Variants in TENM2 observed in about 807,000 individuals in gnomAD.
TENM2 encodes the protein teneurin transmembrane protein 2.
In TENM2, 52 loss-of-function variants were observed where a neutral mutation model predicts 245.2. That is an observed-to-expected ratio of 0.21 (90% CI 0.17 to 0.27). The LOEUF (loss-of-function observed/expected upper bound fraction) is 0.27, where lower values mean the gene tolerates loss of function less well. TENM2 is among the 10% of genes least tolerant of loss of function. The probability of loss-of-function intolerance (pLI) is 1.00; values close to 1 mark genes in which losing one functional copy is unlikely to be tolerated. For missense variants in TENM2, 3,046 were observed against 3,666.8 expected (o/e 0.83, Z 4.37); for synonymous variants, 1,363 against 1,438.9 (o/e 0.95, Z 1.19).
At chr5:167,113,136 C>T in the TENM2 span, among the ~76,000 whole-genome samples, 16 of 152,080 alleles carry the variant, frequency 1.1e-4, no homozygotes, top group African/African-American at 2.7e-4. Flanking sequence ...GGTCACTGCC[C>T]GGGAGTTGTT....
At chr5:167,408,112 T>A (rs1009565615) in intron 2 of TENM2, among the ~76,000 whole-genome samples, 2 of 152,098 alleles carry the variant, frequency 1.3e-5, no homozygotes, top group African/African-American at 2.4e-5. Context: ...TTTGAATATA[T>A]CAAATCTAGC....
At chr5:167,399,150 G>A (rs1267777332) in intron 2 of TENM2, among the ~76,000 whole-genome samples, 1 of 152,086 alleles carries the variant, frequency 6.6e-6, no homozygotes, top group Admixed American at 6.6e-5. Flanking sequence ...AATTCTAGAA[G>A]GTGATTTCAT....
intron 4 of TENM2, among the ~76,000 whole-genome samples, chr5:167,956,282 G>C (rs1004713451): frequency 6.6e-6 from 1 of 152,092 alleles, no homozygotes; most frequent in African/African-American, 2.4e-5. Context: ...TCTGTTATTG[G>C]TGTATAAAAA....
chr5:166,994,107 G>A, the TENM2 span, among the ~76,000 whole-genome samples: 2 of 152,076 alleles, frequency 1.3e-5, no homozygotes, highest in Non-Finnish European at 2.9e-5. Flanking sequence ...ATTCAGCCAG[G>A]TTACCTCTGC....
intron 9 of TENM2, among the ~76,000 whole-genome samples, chr5:168,105,736 A>G (rs995852593): frequency 6.6e-6 from 1 of 151,966 alleles, no homozygotes; most frequent in Non-Finnish European, 1.5e-5. Context: ...AATTTGTAAC[A>G]TTTTCCATCA....
chr5:166,979,276 A>G, the TENM2 span, among the ~76,000 whole-genome samples: 1 of 151,264 alleles, frequency 6.6e-6, no homozygotes, highest in African/African-American at 2.4e-5. Context: ...CAGCAGGCAG[A>G]ACTGTGCAGA....
chr5:167,867,776 T>G (rs1177124064), intron 2 of TENM2, among the ~76,000 whole-genome samples: 1 of 152,068 alleles, frequency 6.6e-6, no homozygotes, highest in Non-Finnish European at 1.5e-5. Context: ...ATTCTCTGAA[T>G]CTCCTGCCTC....
the TENM2 span, among the ~76,000 whole-genome samples, chr5:167,233,941 TA>T: frequency 9.3e-5 from 14 of 151,200 alleles, no homozygotes; most frequent in South Asian, 2.1e-4. Flanking sequence ...ATGAAAATAA[TA>T]AAAAAAAGAA....
intron 2 of TENM2, among the ~76,000 whole-genome samples, chr5:167,528,834 T>C (rs983001479): frequency 5.3e-5 from 8 of 152,182 alleles, no homozygotes; most frequent in Admixed American, 3.3e-4. Flanking sequence ...CTCCTTGCTG[T>C]GTGTTTGTTA....
At chr5:167,852,036 T>C (rs1399158613) in intron 2 of TENM2, among the ~76,000 whole-genome samples, 2 of 152,206 alleles carry the variant, frequency 1.3e-5, no homozygotes, top group African/African-American at 4.8e-5. Flanking sequence ...ATAAACTCAA[T>C]AGAGAACCAG....
chr5:167,754,167 T>C (rs1762134960), intron 2 of TENM2, among the ~76,000 whole-genome samples: 2 of 152,202 alleles, frequency 1.3e-5, no homozygotes, highest in Admixed American at 1.3e-4. Flanking sequence ...GATGGATAGT[T>C]GTTTCCCTAT....
chr5:167,758,156 G>A (rs796724607), intron 2 of TENM2, among the ~76,000 whole-genome samples: 5 of 152,290 alleles, frequency 3.3e-5, no homozygotes, highest in African/African-American at 1.2e-4. Flanking sequence ...ACCTCACAGT[G>A]TCAGAGTTGG....
At chr5:167,424,124 G>GT (rs1452625479) in intron 2 of TENM2, among the ~76,000 whole-genome samples, 1 of 151,532 alleles carries the variant, frequency 6.6e-6, no homozygotes, top group African/African-American at 2.4e-5. Flanking sequence ...CTGGGTTTTT[G>GT]TTTTTTTATT....
intron 2 of TENM2, among the ~76,000 whole-genome samples, chr5:167,598,228 T>TA (rs1776357886): frequency 6.6e-6 from 1 of 152,224 alleles, no homozygotes; most frequent in Admixed American, 6.5e-5. Flanking sequence ...AACATTCTCT[T>TA]ATTTACCTTC....
chr5:168,134,456 C>T (rs1160742602), intron 12 of TENM2, among the ~76,000 whole-genome samples: 5 of 152,046 alleles, frequency 3.3e-5, no homozygotes, highest in African/African-American at 9.7e-5. Flanking sequence ...GAGGCCGAGG[C>T]GGGTGGATCG....
At chr5:167,436,846 G>C (rs541099814) in intron 2 of TENM2, among the ~76,000 whole-genome samples, 92 of 152,326 alleles carry the variant, frequency 6.0e-4, no homozygotes, top group Non-Finnish European at 1.1e-3. Flanking sequence ...TGTTGAGCCT[G>C]CAGGTGCACA....
intron 2 of TENM2, among the ~76,000 whole-genome samples, chr5:167,672,122 G>C (rs1036974743): frequency 6.6e-6 from 1 of 152,152 alleles, no homozygotes; most frequent in African/African-American, 2.4e-5. Context: ...ATCTGTGTTA[G>C]AGCAGACCAT....
intron 2 of TENM2, among the ~76,000 whole-genome samples, chr5:167,433,476 A>G (rs1764365874): frequency 6.6e-6 from 1 of 152,180 alleles, no homozygotes; most frequent in Admixed American, 6.5e-5. Context: ...TACTCTTTCA[A>G]AGATTATTTT....
At chr5:167,581,264 A>G (rs1176987967) in intron 2 of TENM2, among the ~76,000 whole-genome samples, 2 of 152,238 alleles carry the variant, frequency 1.3e-5, no homozygotes, top group Non-Finnish European at 2.9e-5. Context: ...TATGCTATAT[A>G]ATATAATTGA....
Sources: gnomAD v4.1 joint callset for allele counts (sites outside exome capture counted in the v4.1 genomes callset) on GRCh38, gnomAD v4.1.1 for gene constraint, MANE v1.5 for transcripts, NCBI Gene and HGNC (gene_info 2026-07-23, HGNC 2026-07-21) for gene names.